Variants in CFAP44 observed in about 807,000 individuals in gnomAD.
CFAP44 encodes the protein cilia- and flagella-associated protein 44.
CFAP44 carries 134 observed loss-of-function variants against 216.2 expected under a neutral mutation model. The observed-to-expected ratio is 0.62, with a 90% confidence interval of 0.54 to 0.72. CFAP44 has a LOEUF of 0.72. CFAP44 is among the 30% of genes least tolerant of loss of function. CFAP44 has a pLI of 0.00. For missense variants in CFAP44, 2,035 were observed against 2,182.1 expected (o/e 0.93, Z 1.34); for synonymous variants, 700 against 727.6 (o/e 0.96, Z 0.61).
chr3:113,317,651 C>T (rs1950101376), intron 28 of CFAP44, among the ~76,000 whole-genome samples: 1 of 152,224 alleles, frequency 6.6e-6, no homozygotes. Flanking sequence ...TGGTGCACAG[C>T]TCAAGAGCAT....
chr3:113,327,512 A>T lies in CFAP44; in HGVS notation c.4320+104T>A, dbSNP rs190028363. On this transcript the variant is annotated intron_variant, in intron 27 of 34. Coordinates refer to ENST00000393845, the MANE Select transcript of CFAP44 (RefSeq NM_001164496.2). ...GAGGGGGAAAGAAGACAAGAAAGAG[A>T]TAAGGGCTAGAACAAGTGGGAGATT... 3 of 1,023,340 alleles carry T rather than the reference A, an allele frequency of 2.9e-6. No individual in the cohort carries two copies. In the African/African-American group the frequency reaches 4.9e-5, roughly 17 times the overall value. 63.4% of individuals were successfully genotyped at this position (1,023,340 alleles called of 1,614,324 possible).
chr3:113,438,349 T>C (rs1935283568), intron 1 of CFAP44, among the ~76,000 whole-genome samples: 1 of 152,230 alleles, frequency 6.6e-6, no homozygotes, highest in Non-Finnish European at 1.5e-5. Context: ...TGGCCAGGGA[T>C]GAGAATACTG....
chr3:113,435,737 A>C (rs1022901112), intron 1 of CFAP44, among the ~76,000 whole-genome samples: 9 of 144,684 alleles, frequency 6.2e-5, no homozygotes, highest in East Asian at 6.1e-4. Flanking sequence ...TCTAAAATTA[A>C]AAAAAAAAAA....
Position 113,294,581 on chromosome 3 carries a change from A to G in CFAP44, c.5373+106T>C, listed in dbSNP as rs80275577. 6.0e-5 allele frequency: 84 copies of G among 1,397,782 alleles called. No individual in the cohort carries two copies. In the East Asian group the frequency reaches 2.0e-3, roughly 34 times the overall value. 86.6% of individuals were successfully genotyped at this position (1,397,782 alleles called of 1,614,324 possible). ...GCAGATGGTCTGGAAGTGGTCCAAG[A>G]TCAAGCAAGGTTTGTTTAAATGCCA... is the stretch of plus-strand genomic sequence containing the variant. On this transcript the variant is annotated intron_variant, in intron 34 of 34. Coordinates refer to ENST00000393845, the MANE Select transcript of CFAP44 (RefSeq NM_001164496.2).
chr3:113,323,701 T>C (rs1165884500), intron 28 of CFAP44, among the ~76,000 whole-genome samples: 3 of 152,136 alleles, frequency 2.0e-5, no homozygotes, highest in Non-Finnish European at 2.9e-5. Context: ...AGATGAAATA[T>C]ACCAATTCCT....
chr3:113,302,805 A>G (rs964279871), intron 32 of CFAP44, among the ~76,000 whole-genome samples: 4 of 151,538 alleles, frequency 2.6e-5, no homozygotes, highest in Non-Finnish European at 5.9e-5. Context: ...AAAGAAAAGA[A>G]AAAAGACAAG....
rs547756894 is a variant in CFAP44 at position 113,333,614 on chromosome 3, A to T, written c.3438-31T>A. 3 of 1,467,390 alleles carry T rather than the reference A, an allele frequency of 2.0e-6. No individual in the cohort carries two copies. In the South Asian group the frequency reaches 4.3e-5, roughly 21 times the overall value. 90.9% of individuals were successfully genotyped at this position (1,467,390 alleles called of 1,614,324 possible). On this transcript the variant is annotated intron_variant, in intron 24 of 34. Transcript: ENST00000393845. ...AGAAAAACAGACAACCCCCCCACAC[A>T]CAAATATGACAATAAACTCTAATTT...
At chr3:113,312,924 G>A (rs1950053728) in intron 28 of CFAP44, among the ~76,000 whole-genome samples, 1 of 152,154 alleles carries the variant, frequency 6.6e-6, no homozygotes, top group Admixed American at 6.5e-5. Context: ...GCAGGGGTGG[G>A]GCACTCATGG....
chr3:113,422,996 C>G (rs1370464426), intron 4 of CFAP44, among the ~76,000 whole-genome samples: 1 of 151,910 alleles, frequency 6.6e-6, no homozygotes, highest in Non-Finnish European at 1.5e-5. Context: ...CTCTCCATCT[C>G]TATTTCCCAG....
At chr3:113,409,006 CAAAAA>C (rs56301009) in intron 7 of CFAP44, 95 bp downstream of exon 7, 1,312 of 318,086 alleles carry the variant, frequency 4.1e-3, no homozygotes, top group South Asian at 5.8e-3. Flanking sequence ...ACCAAAACAG[CAAAAA>C]AAAAAAAAAA....
chr3:113,352,590 G>A (rs961193163), intron 22 of CFAP44, among the ~76,000 whole-genome samples: 1 of 152,172 alleles, frequency 6.6e-6, no homozygotes, highest in African/African-American at 2.4e-5. Context: ...GCAAATGGCA[G>A]AGCAGGAGAA....
At chr3:113,321,145 C>T (rs1241598858) in intron 28 of CFAP44, among the ~76,000 whole-genome samples, 1 of 152,164 alleles carries the variant, frequency 6.6e-6, no homozygotes, top group Non-Finnish European at 1.5e-5. Flanking sequence ...AAACCAAATC[C>T]AGCAGCACAT....
At chr3:113,320,224 G>GTCTCTCTCTC (rs111963316) in intron 28 of CFAP44, among the ~76,000 whole-genome samples, 1 of 141,370 alleles carries the variant, frequency 7.1e-6, no homozygotes, top group Non-Finnish European at 1.6e-5. Context: ...AGGTATATTA[G>GTCTCTCTCTC]TCTCTCTCTC....
rs61591505 is a variant in CFAP44, at chr3:113,350,073, C to T, written c.3066-5361G>A. On this transcript the variant is annotated intron_variant, in intron 22 of 34. Coordinates refer to ENST00000393845, the MANE Select transcript of CFAP44 (RefSeq NM_001164496.2). ...TATTGCACACAGTGCAAAAACCCAACGAGGTGGCAGTCTTACACTGCCGAA... is the reference window on the plus strand; with the variant it reads ...TATTGCACACAGTGCAAAAACCCAATGAGGTGGCAGTCTTACACTGCCGAA... 9.4e-3 allele frequency among the ~76,000 whole-genome samples: 1,423 copies of T among 152,116 alleles called. 17 individuals carry two copies. The highest frequency in any genetic ancestry group is 0.021 in the African/African-American group (891 of 41,494).
intron 2 of CFAP44, among the ~76,000 whole-genome samples, chr3:113,430,293 C>G (rs533283260): frequency 6.6e-6 from 1 of 151,352 alleles, no homozygotes; most frequent in South Asian, 2.1e-4. Context: ...TAAAATACAA[C>G]ATATTAAAAT....
intron 22 of CFAP44, among the ~76,000 whole-genome samples, chr3:113,348,588 C>T (rs904650365): frequency 6.6e-6 from 1 of 152,160 alleles, no homozygotes; most frequent in East Asian, 1.9e-4. Context: ...TCCTAGCCTC[C>T]CTATAGCCCC....
rs1216512835 is a variant in CFAP44, at chr3:113,373,517, G to A, written c.2338C>T (p.Pro780Ser). The A allele has an allele frequency of 2.5e-6, 4 of 1,600,676 alleles. No homozygotes were observed. The highest frequency in any genetic ancestry group is 1.3e-5 in the African/African-American group (1 of 74,468). ...AAATCACTGCTTTCATCACAAGGGG[G>A]GAACTCACAGTGATATAGAAAACCA... Reference protein sequence around the residue: ...DSGFLYHCEFPPCDESSDFKE... With the variant: ...DSGFLYHCEFSPCDESSDFKE... The change falls in exon 18 of 35, where the codon CCC becomes TCC. Residue 780 changes from proline to serine, a missense_variant. By Grantham distance (74) the Pro-to-Ser change is moderately conservative. Transcript: ENST00000393845.
intron 34 of CFAP44, among the ~76,000 whole-genome samples, chr3:113,293,319 C>G (rs1361341613): frequency 6.6e-6 from 1 of 152,192 alleles, no homozygotes; most frequent in African/African-American, 2.4e-5. Flanking sequence ...TTGTAAGAAG[C>G]AATGGAGTCA....
chr3:113,383,494 T>G (rs927082864), intron 15 of CFAP44, among the ~76,000 whole-genome samples: 1 of 152,154 alleles, frequency 6.6e-6, no homozygotes, highest in African/African-American at 2.4e-5. Flanking sequence ...GAATTTAGGC[T>G]TCAACATATA....
Sources: gnomAD v4.1 joint callset for allele counts (sites outside exome capture counted in the v4.1 genomes callset) on GRCh38, gnomAD v4.1.1 for gene constraint, MANE v1.5 for transcripts, NCBI Gene and HGNC (gene_info 2026-07-23, HGNC 2026-07-21) for gene names.